Variants in CNIH3 observed in about 807,000 individuals in gnomAD.
CNIH3 encodes protein cornichon homolog 3.
Under a neutral mutation model 24.1 loss-of-function variants are expected in CNIH3, and 14 were observed. The ratio of observed to expected loss-of-function variants is 0.58; its 90% CI spans 0.38 to 0.91. The LOEUF (loss-of-function observed/expected upper bound fraction) is 0.91. CNIH3 is among the 40% of genes least tolerant of loss of function. The probability of loss-of-function intolerance (pLI) is 0.00; values close to 1 mark genes in which losing one functional copy is unlikely to be tolerated. For missense variants in CNIH3, 178 were observed against 196.8 expected (o/e 0.90, Z 0.57); for synonymous variants, 68 against 73.8 (o/e 0.92, Z 0.40).
At chr1:224,550,255 G>A (rs550429284) in intron 3 of CNIH3, among the ~76,000 whole-genome samples, 80 of 152,254 alleles carry the variant, frequency 5.3e-4, no homozygotes, top group Non-Finnish European at 1.0e-3. Flanking sequence ...GAAAATAGGT[G>A]CGATGATATT....
intron 3 of CNIH3, among the ~76,000 whole-genome samples, chr1:224,722,274 A>G (rs1688762065): frequency 6.6e-6 from 1 of 152,158 alleles, no homozygotes; most frequent in African/African-American, 2.4e-5. Context: ...TCTCAGCTCA[A>G]GTGTTTAACA....
In CNIH3 at chr1:224,684,817, G is replaced by C. The variant is rs374139283; in HGVS notation, c.172G>C (p.Glu58Gln). 43 of 1,613,966 alleles carry C rather than the reference G, an allele frequency of 2.7e-5. No individual in the cohort carries two copies. The highest frequency in any genetic ancestry group is 3.4e-5 in the Non-Finnish European group (40 of 1,179,980). Residue 58 changes from glutamate (E) to glutamine (Q), a missense_variant, in exon 3 of 6, where the codon GAG (glutamate) becomes CAG (glutamine). Glu to Gln is a conservative substitution (Grantham distance 29, BLOSUM62 2). Transcript: ENST00000272133. The surrounding 1 kb of genome is among the most constrained non-coding windows in gnomAD (Gnocchi z 4.2). The part of the protein sequence containing the change: ...VHARERLRNI[E>Q]RICFLLRKLV... ...ATAGAGGGAACGGTTGAGGAACATCGAGCGCATCTGCTTCCTTCTGCGAAA... is the reference window on the plus strand; with the variant it reads ...ATAGAGGGAACGGTTGAGGAACATCCAGCGCATCTGCTTCCTTCTGCGAAA...
At chr1:224,647,141 C>G (rs1684644982) in intron 1 of CNIH3, among the ~76,000 whole-genome samples, 1 of 152,182 alleles carries the variant, frequency 6.6e-6, no homozygotes, top group Admixed American at 6.5e-5. Context: ...CGCCGCCACA[C>G]CCAGCTCACG....
intron 4 of CNIH3, among the ~76,000 whole-genome samples, chr1:224,731,241 T>A (rs76396480): frequency 6.6e-6 from 1 of 152,110 alleles, no homozygotes; most frequent in Non-Finnish European, 1.5e-5. Context: ...TTGTACACTT[T>A]AAAAGGGTGA....
At chr1:224,694,469 C>T (rs1036371964) in intron 3 of CNIH3, among the ~76,000 whole-genome samples, 1 of 152,158 alleles carries the variant, frequency 6.6e-6, no homozygotes, top group African/African-American at 2.4e-5. Context: ...AAGGTAGATT[C>T]CTATCCACCC....
At chr1:224,692,158 C>T (rs1178310558) in intron 3 of CNIH3, among the ~76,000 whole-genome samples, 3 of 152,078 alleles carry the variant, frequency 2.0e-5, no homozygotes, top group Non-Finnish European at 4.4e-5. Flanking sequence ...TAAAATTAGC[C>T]AGGCACGGTG....
At chr1:224,483,958 A>G (rs3958434) in intron 1 of CNIH3, among the ~76,000 whole-genome samples, 127,414 of 152,036 alleles carry the variant, frequency 0.84, 53,746 homozygotes, top group East Asian at 0.97. Context: ...ATCCCCTGAA[A>G]TCAGGAGTTC....
At chr1:224,536,690 A>G (rs1679300458) in intron 2 of CNIH3, among the ~76,000 whole-genome samples, 2 of 152,204 alleles carry the variant, frequency 1.3e-5, no homozygotes. Context: ...ACAAAATGGG[A>G]TAGACAATAG....
At chr1:224,721,119 G>T (rs1224035020) in intron 3 of CNIH3, among the ~76,000 whole-genome samples, 1 of 152,070 alleles carries the variant, frequency 6.6e-6, no homozygotes, top group Non-Finnish European at 1.5e-5. Flanking sequence ...TTCCGTGTTT[G>T]TTGTTCATAG....
intron 3 of CNIH3, among the ~76,000 whole-genome samples, chr1:224,714,256 AT>A (rs1688309614): frequency 6.6e-6 from 1 of 152,124 alleles, no homozygotes; most frequent in African/African-American, 2.4e-5. Flanking sequence ...GTTAGCTCCT[AT>A]TTTTCCGAGT....
intron 1 of CNIH3, among the ~76,000 whole-genome samples, chr1:224,636,580 A>ATT (rs1433617909): frequency 6.6e-6 from 1 of 152,244 alleles, no homozygotes; most frequent in African/African-American, 2.4e-5. Flanking sequence ...CTCTGTTAAA[A>ATT]TGAGTTCCTT....
chr1:224,680,881 G>A lies in CNIH3; in HGVS notation c.82-77G>A. ...TTCCTTTCTGTTGTGTTATTTGGAA[G>A]CAAATCCACAGAAGCTTTGGACATG... On this transcript the variant is annotated intron_variant, in intron 1 of 5. Transcript: ENST00000272133. 3 of 1,115,868 alleles carry A rather than the reference G, an allele frequency of 2.7e-6. No homozygotes were observed. The South Asian group carries it at 3.8e-5, about 14-fold the overall frequency. 69.1% of individuals were successfully genotyped at this position (1,115,868 alleles called of 1,614,324 possible).
chr1:224,495,778 A>C (rs1677413433), intron 1 of CNIH3, among the ~76,000 whole-genome samples: 1 of 152,134 alleles, frequency 6.6e-6, no homozygotes, highest in African/African-American at 2.4e-5. Flanking sequence ...GTCCATGTGC[A>C]AACTCTCTGG....
At chr1:224,576,855 A>G (rs1450061300) in intron 4 of CNIH3, among the ~76,000 whole-genome samples, 1 of 152,342 alleles carries the variant, frequency 6.6e-6, no homozygotes, top group East Asian at 1.9e-4. Flanking sequence ...ACAACATGGT[A>G]CTGGCATAAA....
chr1:224,730,666 T>G lies in CNIH3; in HGVS notation c.311+92T>G, dbSNP rs41266237. The G allele has an allele frequency of 6.9e-3, 5,147 of 741,834 alleles. 54 individuals are homozygous for G. The highest frequency in any genetic ancestry group is 0.029 in the South Asian group (1,685 of 58,722). 46.0% of individuals were successfully genotyped at this position (741,834 alleles called of 1,614,324 possible). ...ATGTCACCCAAATAGACAGCTTCTA[T>G]TGCCTTCCAATCATCCCTTCCTTTC... On this transcript the variant is annotated intron_variant, in intron 4 of 5. Coordinates refer to ENST00000272133, the MANE Select transcript of CNIH3 (RefSeq NM_152495.2).
intron 3 of CNIH3, among the ~76,000 whole-genome samples, chr1:224,686,836 A>G (rs1686685315): frequency 6.6e-6 from 1 of 152,254 alleles, no homozygotes; most frequent in Non-Finnish European, 1.5e-5. Context: ...AAGTAAGCAC[A>G]CTATGCAAGA....
intron 1 of CNIH3, among the ~76,000 whole-genome samples, chr1:224,442,012 A>C (rs572261832): frequency 7.6e-6 from 1 of 131,282 alleles, no homozygotes; most frequent in African/African-American, 2.8e-5. Context: ...TGATTCCCTT[A>C]ATTTTTTTTT....
intron 1 of CNIH3, among the ~76,000 whole-genome samples, chr1:224,657,945 A>G (rs1685176789): frequency 1.3e-5 from 2 of 152,236 alleles, no homozygotes; most frequent in Non-Finnish European, 2.9e-5. Context: ...TACTGATAAC[A>G]TATACTAAGA....
At chr1:224,530,222 G>T (rs1233733317) in intron 2 of CNIH3, among the ~76,000 whole-genome samples, 3 of 152,174 alleles carry the variant, frequency 2.0e-5, no homozygotes, top group African/African-American at 7.2e-5. Context: ...GTAAAATCTT[G>T]TTTGTGTAAA....
Sources: allele counts gnomAD v4.1 joint callset (sites outside exome capture counted in the v4.1 genomes callset), GRCh38; gene constraint gnomAD v4.1.1; non-coding constraint Gnocchi (gnomAD v3.1); transcripts MANE v1.5; gene names NCBI Gene and HGNC (gene_info 2026-07-23, HGNC 2026-07-21).